The following DYM variants were observed in gnomAD, a reference collection of about 807,000 sequenced individuals.
DYM encodes the protein dyggve-Melchior-Clausen syndrome protein.
A neutral mutation model predicts 93.1 loss-of-function variants in DYM; 78 were observed. The ratio of observed to expected loss-of-function variants is 0.84; its 90% CI spans 0.70 to 1.01. The LOEUF (loss-of-function observed/expected upper bound fraction) is 1.01, where lower values mean the gene tolerates loss of function less well. Among genes scored for constraint, DYM ranks in the 50% least tolerant of loss-of-function variants. DYM has a pLI of 0.00. For missense variants in DYM, 789 were observed against 845.0 expected (o/e 0.93, Z 0.82); for synonymous variants, 321 against 319.7 (o/e 1.00, Z -0.04).
intron 17 of DYM, among the ~76,000 whole-genome samples, chr18:49,076,883 A>T (rs759982149): frequency 6.6e-6 from 1 of 152,184 alleles, no homozygotes; most frequent in Non-Finnish European, 1.5e-5. Context: ...CTTCCTCAGA[A>T]GCTTAACTCG....
At chr18:49,087,076 G>A (rs1309979197) in intron 17 of DYM, among the ~76,000 whole-genome samples, 2 of 152,034 alleles carry the variant, frequency 1.3e-5, no homozygotes, top group African/African-American at 2.4e-5. Context: ...GATAAAGCAG[G>A]AAGATGGCCA....
At chr18:49,234,612 C>T (rs1276609016) in intron 13 of DYM, among the ~76,000 whole-genome samples, 2 of 151,998 alleles carry the variant, frequency 1.3e-5, no homozygotes, top group Non-Finnish European at 2.9e-5. Flanking sequence ...TGTGAGTCTC[C>T]GAGGACTGTG....
At chr18:49,056,549 A>G (rs1182138384) in intron 17 of DYM, among the ~76,000 whole-genome samples, 1 of 152,058 alleles carries the variant, frequency 6.6e-6, no homozygotes, top group South Asian at 2.1e-4. Context: ...TTTTATTATT[A>G]TTTTTAAAGA....
At chr18:49,343,405 C>T (rs2064318485) in intron 6 of DYM, among the ~76,000 whole-genome samples, 1 of 152,216 alleles carries the variant, frequency 6.6e-6, no homozygotes. Context: ...ACTCTCCCAT[C>T]AAACAGTAAC....
chr18:49,102,674 T>A (rs357873), intron 16 of DYM, among the ~76,000 whole-genome samples: 134,798 of 151,984 alleles, frequency 0.89, 60,111 homozygotes, highest in Middle Eastern at 0.96. Context: ...GTTTGGTTTT[T>A]TTGTCCTTGC....
intron 1 of DYM, among the ~76,000 whole-genome samples, chr18:49,453,297 GAA>G (rs2148715223): frequency 6.6e-6 from 1 of 152,250 alleles, no homozygotes; most frequent in African/African-American, 2.4e-5. Context: ...CCAGATAAGG[GAA>G]TAAAAGCAGG....
chr18:49,438,951 A>G (rs1396214324), intron 1 of DYM, among the ~76,000 whole-genome samples: 1 of 152,180 alleles, frequency 6.6e-6, no homozygotes, highest in Non-Finnish European at 1.5e-5. Flanking sequence ...GTAAAGTAGA[A>G]AACACTATTG....
chr18:49,179,720 A>C (rs2145441891), intron 14 of DYM, among the ~76,000 whole-genome samples: 1 of 152,244 alleles, frequency 6.6e-6, no homozygotes, highest in South Asian at 2.1e-4. Context: ...GAGGGAAAGT[A>C]AATTGCCCAA....
intron 1 of DYM, among the ~76,000 whole-genome samples, chr18:49,430,883 CAA>C (rs11288242): frequency 2.3e-3 from 294 of 129,294 alleles, no homozygotes; most frequent in Admixed American, 3.3e-3. Context: ...GACTCCATCT[CAA>C]AAAAAAAAAA....
At chr18:49,238,933 A>G (rs752436792) in intron 13 of DYM, among the ~76,000 whole-genome samples, 6 of 152,196 alleles carry the variant, frequency 3.9e-5, no homozygotes, top group Non-Finnish European at 2.9e-5. Flanking sequence ...GCTGCCCCTC[A>G]GCCTCTCTTG....
chr18:49,292,272 C>G (rs535732327), intron 8 of DYM, among the ~76,000 whole-genome samples: 4 of 151,478 alleles, frequency 2.6e-5, no homozygotes, highest in African/African-American at 9.7e-5. Context: ...GGAAGCTTCT[C>G]CATCTTTCCC....
chr18:49,076,789 G>A (rs1476583221), intron 17 of DYM, among the ~76,000 whole-genome samples: 1 of 152,182 alleles, frequency 6.6e-6, no homozygotes, highest in African/African-American at 2.4e-5. Context: ...GTTTTTCAGG[G>A]TGATTCTTTC....
chr18:49,184,315 A>G (rs978820926), intron 14 of DYM, among the ~76,000 whole-genome samples: 1 of 151,742 alleles, frequency 6.6e-6, no homozygotes, highest in African/African-American at 2.4e-5. Flanking sequence ...TTGTCACTTC[A>G]TCCTTAGCCA....
At chr18:49,333,534 A>G (rs775149538) in intron 7 of DYM, among the ~76,000 whole-genome samples, 194 bp downstream of exon 7, 5 of 152,222 alleles carry the variant, frequency 3.3e-5, no homozygotes, top group Non-Finnish European at 7.3e-5. Flanking sequence ...ACGGGACAGG[A>G]AGAACAGGGA....
At chr18:49,397,956 T>C (rs1009224780) in intron 2 of DYM, among the ~76,000 whole-genome samples, 2 of 152,358 alleles carry the variant, frequency 1.3e-5, no homozygotes, top group South Asian at 2.1e-4. Context: ...GCTTATCTTG[T>C]ATTTCTGCTG....
intron 17 of DYM, among the ~76,000 whole-genome samples, chr18:49,047,430 C>A (rs1210532682): frequency 6.6e-6 from 1 of 152,250 alleles, no homozygotes; most frequent in African/African-American, 2.4e-5. Flanking sequence ...GTCTGGCTGA[C>A]AAAGTTTGAT....
chr18:49,283,250 C>A (rs1316449999), intron 9 of DYM, among the ~76,000 whole-genome samples: 1 of 152,086 alleles, frequency 6.6e-6, no homozygotes, highest in Non-Finnish European at 1.5e-5. Context: ...GTCAAAAAAT[C>A]CTAAGTCCAG....
intron 17 of DYM, among the ~76,000 whole-genome samples, chr18:49,079,655 C>T (rs1322122564): frequency 6.6e-6 from 1 of 151,324 alleles, no homozygotes; most frequent in East Asian, 1.9e-4. Context: ...GCACATCTTG[C>T]ACCGCCCTTA....
chr18:49,071,260 A>G (rs73439672), intron 17 of DYM, among the ~76,000 whole-genome samples: 3,828 of 152,354 alleles, frequency 0.025, 152 homozygotes, highest in African/African-American at 0.086. Context: ...TCATTAGTGA[A>G]ATCCCTCTGA....
Sources: allele counts gnomAD v4.1 joint callset (sites outside exome capture counted in the v4.1 genomes callset), GRCh38; gene constraint gnomAD v4.1.1; transcripts MANE v1.5; gene names NCBI Gene and HGNC (gene_info 2026-07-23, HGNC 2026-07-21).